BMPER: variants seen among roughly 807,000 people sequenced by gnomAD.
BMPER encodes BMP-binding endothelial regulator protein.
A neutral mutation model predicts 87.3 loss-of-function variants in BMPER; 45 were observed. The observed-to-expected ratio is 0.52, with a 90% CI of 0.41 to 0.66. The LOEUF (loss-of-function observed/expected upper bound fraction) is 0.66, where lower values mean the gene tolerates loss of function less well. Ranked by LOEUF, BMPER falls within the 30% of genes least tolerant of loss-of-function variation. The probability of loss-of-function intolerance (pLI) is 0.00; values close to 1 mark genes in which losing one functional copy is unlikely to be tolerated. For missense variants in BMPER, 784 were observed against 867.5 expected, an observed-to-expected ratio of 0.90 and a Z score of 1.21; for synonymous variants, 326 against 316.2, an observed-to-expected ratio of 1.03 and a Z score of -0.33.
At chr7:34,001,388 T>C (rs1422287735) in intron 6 of BMPER, among the ~76,000 whole-genome samples, 2 of 151,874 alleles carry the variant, frequency 1.3e-5, no homozygotes, top group Non-Finnish European at 2.9e-5. Context: ...AAAATTTTTC[T>C]TCTTGAGTCA....
At chr7:33,932,148 A>C (rs111444428) in intron 2 of BMPER, among the ~76,000 whole-genome samples, 1 of 152,214 alleles carries the variant, frequency 6.6e-6, no homozygotes, top group African/African-American at 2.4e-5. Flanking sequence ...TGGGGCATCT[A>C]TCCCAGGAAA....
chr7:33,936,138 G>T (rs114488632), intron 2 of BMPER, among the ~76,000 whole-genome samples: 5 of 152,156 alleles, frequency 3.3e-5, no homozygotes, highest in African/African-American at 1.2e-4. Flanking sequence ...ATGACATGGA[G>T]GCATACTGGG....
chr7:34,054,131 G>A (rs900298718), intron 8 of BMPER, among the ~76,000 whole-genome samples: 1 of 152,142 alleles, frequency 6.6e-6, no homozygotes, highest in Non-Finnish European at 1.5e-5. Context: ...CAATTTGCTT[G>A]ATTACACATT....
chr7:34,109,751 C>A (rs562403619), intron 13 of BMPER, among the ~76,000 whole-genome samples: 5 of 152,294 alleles, frequency 3.3e-5, no homozygotes, highest in African/African-American at 1.2e-4. Flanking sequence ...CTGCTGCGAA[C>A]CTTGTTTGAG....
intron 6 of BMPER, among the ~76,000 whole-genome samples, chr7:34,012,325 G>A (rs1032542873): frequency 6.6e-6 from 1 of 151,826 alleles, no homozygotes; most frequent in African/African-American, 2.4e-5. Flanking sequence ...AAACATCAAA[G>A]GATATACTCT....
intron 3 of BMPER, among the ~76,000 whole-genome samples, chr7:33,956,021 CA>C (rs1345162196): frequency 6.7e-6 from 1 of 149,998 alleles, no homozygotes; most frequent in African/African-American, 2.5e-5. Context: ...GACAGACAAA[CA>C]AACAAACAAA....
intron 6 of BMPER, among the ~76,000 whole-genome samples, chr7:34,002,606 T>C (rs983615142): frequency 6.6e-5 from 10 of 151,836 alleles, no homozygotes; most frequent in African/African-American, 2.4e-4. Context: ...GTTCTATCTA[T>C]TATTGAAAGT....
chr7:34,147,973 G>A lies in BMPER; in HGVS notation c.1876+4613G>A, dbSNP rs952795746. On this transcript the variant is annotated intron_variant, in intron 14 of 14. Transcript: ENST00000649409. Reference sequence around the variant, plus strand: ...GCTGTGCTGAATTGAAGGCAAATCCGGTGATGTCACTCCACAGCTTAAAAC... The same window carrying A: ...GCTGTGCTGAATTGAAGGCAAATCCAGTGATGTCACTCCACAGCTTAAAAC... Among the ~76,000 whole-genome samples the A allele has an allele frequency of 3.9e-5, 6 of 152,208 alleles. No homozygotes were observed. The South Asian group carries it at 6.2e-4, about 16-fold the overall frequency.
chr7:33,931,863 TGCTCAGCAA>T (rs1287984081), intron 2 of BMPER, among the ~76,000 whole-genome samples: 1 of 152,254 alleles, frequency 6.6e-6, no homozygotes, highest in Non-Finnish European at 1.5e-5. Flanking sequence ...GTCCTATTTG[TGCTCAGCAA>T]TGGTGATGGC....
intron 6 of BMPER, chr7:34,042,778 G>T (rs1172524682): frequency 6.6e-6 from 1 of 152,234 alleles, no homozygotes; most frequent in Non-Finnish European, 1.5e-5. Flanking sequence ...AGAAGGCACA[G>T]AGGACTGGCC....
intron 2 of BMPER, chr7:33,921,724 G>A: frequency 4.2e-6 from 2 of 471,004 alleles, no homozygotes; most frequent in Middle Eastern, 3.3e-4. Context: ...TTTCTGGGAT[G>A]GGTAGCAGCT....
chr7:34,104,677 C>T (rs777529112), intron 13 of BMPER, among the ~76,000 whole-genome samples: 98 of 152,090 alleles, frequency 6.4e-4, no homozygotes, highest in Non-Finnish European at 1.2e-3. Flanking sequence ...AGGGTTGAAA[C>T]GTGGGTGTGG....
At chr7:34,046,790 A>C (rs922988579) in intron 7 of BMPER, among the ~76,000 whole-genome samples, 3 of 152,224 alleles carry the variant, frequency 2.0e-5, no homozygotes, top group Non-Finnish European at 4.4e-5. Flanking sequence ...TTCAGAGTCA[A>C]AACCATGCAG....
chr7:33,924,814 C>T (rs531672452), intron 2 of BMPER, among the ~76,000 whole-genome samples: 4 of 152,216 alleles, frequency 2.6e-5, no homozygotes, highest in East Asian at 1.9e-4. Context: ...ATTACAGGCA[C>T]GCGCCACCAG....
chr7:34,131,456 G>A (rs1790586714), intron 13 of BMPER, among the ~76,000 whole-genome samples: 1 of 152,158 alleles, frequency 6.6e-6, no homozygotes, highest in Non-Finnish European at 1.5e-5. Flanking sequence ...AGGGGCAGCC[G>A]CCTCTGCCGC....
chr7:34,070,284 A>G (rs1463581744), intron 11 of BMPER, among the ~76,000 whole-genome samples: 2 of 152,104 alleles, frequency 1.3e-5, no homozygotes, highest in Non-Finnish European at 1.5e-5. Flanking sequence ...GGCTGTTTCC[A>G]ATCCCTGTTT....
intron 6 of BMPER, among the ~76,000 whole-genome samples, chr7:33,999,913 G>C (rs117656121): frequency 3.9e-5 from 6 of 152,224 alleles, no homozygotes; most frequent in African/African-American, 1.4e-4. Context: ...AGGCCACTAC[G>C]CTCAGAAATG....
At chr7:34,028,601 GTTTTTTTTTTTTTTTTTTT>G in intron 6 of BMPER, among the ~76,000 whole-genome samples, 8 of 36,054 alleles carry the variant, frequency 2.2e-4, no homozygotes, top group Admixed American at 1.1e-3. Context: ...CATTTTTTCT[GTTTTTTTTTTTTTTTTTTT>G]TTTTTTTTTT....
Position 33,943,875 on chromosome 7 carries a change from C to G in BMPER, c.319+6487C>G, listed in dbSNP as rs554502546. Among the ~76,000 whole-genome samples, 7 of 152,254 alleles carry G rather than the reference C, an allele frequency of 4.6e-5. No homozygotes were observed. The East Asian group carries it at 1.4e-3, about 29-fold the overall frequency. On this transcript the variant is annotated intron_variant, in intron 3 of 14. Transcript: ENST00000649409. ...CTTATTACCAGGGATATGTTCCTCC[C>G]CCTTTTGGTGGTTTGGTGAGAAGTG...
Sources: allele counts gnomAD v4.1 joint callset (sites outside exome capture counted in the v4.1 genomes callset), GRCh38; gene constraint gnomAD v4.1.1; transcripts MANE v1.5; gene names NCBI Gene and HGNC (gene_info 2026-07-23, HGNC 2026-07-21).